The following TEX15 variants were observed in gnomAD, a reference collection of about 807,000 sequenced individuals.
The protein encoded by TEX15 is testis-expressed protein 15.
A neutral mutation model predicts 237.3 loss-of-function variants in TEX15; 171 were observed. That is an observed-to-expected ratio of 0.72 (90% CI 0.64 to 0.82). The LOEUF is 0.82. Ranked by LOEUF, TEX15 falls within the 40% of genes least tolerant of loss-of-function variation. The pLI is 0.00. For missense variants in TEX15, 3,750 were observed against 3,646.5 expected (o/e 1.03, Z -0.73); for synonymous variants, 1,338 against 1,269.8 (o/e 1.05, Z -1.14).
intron 5 of TEX15, among the ~76,000 whole-genome samples, chr8:30,866,319 A>G (rs2128771611): frequency 6.6e-6 from 1 of 151,194 alleles, no homozygotes; most frequent in East Asian, 1.9e-4. Context: ...GGCAGAAAGG[A>G]CAAAAAGGGA....
At chr8:30,838,923 C>T (rs1807381707) in intron 9 of TEX15, among the ~76,000 whole-genome samples, 1 of 150,308 alleles carries the variant, frequency 6.7e-6, no homozygotes, top group African/African-American at 2.4e-5. Context: ...TCAAATGATT[C>T]TCCTGCCTCA....
intron 7 of TEX15, among the ~76,000 whole-genome samples, chr8:30,858,338 G>A (rs1318615252): frequency 1.3e-5 from 2 of 149,570 alleles, no homozygotes; most frequent in African/African-American, 4.9e-5. Flanking sequence ...TTTGTGACAA[G>A]GTCTCCCTCT....
In TEX15 at chr8:30,847,635, CTG is replaced by C. The variant is rs2128768227; in HGVS notation, c.2530_2531del (p.Gln844ValfsTer4). On this transcript the variant is annotated frameshift_variant, in exon 8 of 11. Coordinates refer to ENST00000643185, the MANE Select transcript of TEX15 (RefSeq NM_001350162.2). LOFTEE classifies it high-confidence loss of function. ...GQDHNLFCNS[Q>X]LSNDIWLNVN... ...CATTCAGCCATATATCATTGCTTAA[CTG>C]TGAATTACAGAACAGATTGTGATCC... 2 of 1,613,596 alleles carry C rather than the reference CTG, an allele frequency of 1.2e-6. No homozygotes were observed. Among genetic ancestry groups the C allele is most frequent in the East Asian group, 4.5e-5 (2 of 44,840 alleles).
chr8:30,862,503 A>C (rs778278826), intron 5 of TEX15, among the ~76,000 whole-genome samples: 17 of 151,882 alleles, frequency 1.1e-4, no homozygotes, highest in Non-Finnish European at 2.4e-4. Flanking sequence ...TACACAAAAA[A>C]CTCTGTGGTT....
chr8:30,840,390 T>G (rs557574432), intron 8 of TEX15, among the ~76,000 whole-genome samples: 157 of 152,232 alleles, frequency 1.0e-3, no homozygotes, highest in African/African-American at 3.4e-3. Context: ...GAGATGGGGA[T>G]TCACTATGTT....
intron 2 of TEX15, among the ~76,000 whole-genome samples, chr8:30,896,594 G>A (rs1430433235): frequency 1.3e-5 from 2 of 151,058 alleles, no homozygotes; most frequent in African/African-American, 4.9e-5. Flanking sequence ...CCCCCATTCT[G>A]TTGATATTTG....
In TEX15 at chr8:30,844,137, T is replaced by C; in HGVS notation, c.6030A>G (p.Ala2010=). 3 of 1,613,380 alleles carry C rather than the reference T, an allele frequency of 1.9e-6. No homozygotes were observed. The highest frequency in any genetic ancestry group is 1.3e-5 in the African/African-American group (1 of 75,016). ...LSQILQRADE[A]SSLQILQEET... ...CTTCCTGTAGAATCTGCAAAGATGA[T>C]GCTTCATCTGCCCTCTGCAAAATTT... is the stretch of plus-strand genomic sequence containing the variant. Residue 2010 remains alanine (A), a synonymous_variant, in exon 8 of 11, where the codon GCA becomes GCG. Transcript: ENST00000643185.
intron 10 of TEX15, among the ~76,000 whole-genome samples, chr8:30,836,221 T>G (rs933022454): frequency 7.5e-6 from 1 of 134,084 alleles, no homozygotes; most frequent in South Asian, 2.5e-4. Context: ...TTTTTTTTTT[T>G]TTTTTTTTTT....
chr8:30,860,522 C>T (rs1336697062), intron 5 of TEX15, among the ~76,000 whole-genome samples: 1 of 150,854 alleles, frequency 6.6e-6, no homozygotes, highest in East Asian at 2.0e-4. Context: ...AAATTAAACT[C>T]TAAGATTAGA....
At position 30,832,418 on chromosome 8, in the gene TEX15, GAGAC is replaced by G. The variant is rs896502134; in HGVS notation, c.*864_*867del. 6.6e-6 allele frequency: 1 copy of G among 152,218 alleles called. No individual in the cohort carries two copies. The highest frequency in any genetic ancestry group is 2.4e-5 in the African/African-American group (1 of 41,458). 9.4% of individuals were successfully genotyped at this position (152,218 alleles called of 1,614,324 possible). A position where few individuals can be genotyped will look rare whatever the true frequency, so the allele number is the denominator to read the frequency against. On this transcript the variant is annotated 3_prime_UTR_variant, in exon 11 of 11. Coordinates refer to ENST00000643185, the MANE Select transcript of TEX15 (RefSeq NM_001350162.2). ...GAGCAAGAAAGGTAATACATGAAAAGAGACAGCTCAAGACTGCAGTTACATACTA... is the reference window on the plus strand; with the variant it reads ...GAGCAAGAAAGGTAATACATGAAAAGAGCTCAAGACTGCAGTTACATACTA...
chr8:30,903,374 C>T (rs1199678920), intron 1 of TEX15, among the ~76,000 whole-genome samples: 1 of 152,180 alleles, frequency 6.6e-6, no homozygotes, highest in Non-Finnish European at 1.5e-5. Context: ...TTAAGGGGCC[C>T]CCAGGGGTTA....
intron 5 of TEX15, among the ~76,000 whole-genome samples, chr8:30,865,136 C>T (rs1808133096): frequency 1.3e-5 from 2 of 151,890 alleles, no homozygotes; most frequent in African/African-American, 2.4e-5. Flanking sequence ...TAAAAGGAAA[C>T]ATTATAACTG....
intron 2 of TEX15, chr8:30,888,735 A>G: frequency 9.7e-7 from 1 of 1,036,230 alleles, no homozygotes; most frequent in Non-Finnish European, 1.3e-6. Flanking sequence ...ATTCTACAGA[A>G]AGATCACAAA....
In TEX15 at chr8:30,875,070, C is replaced by A; in HGVS notation, c.169G>T (p.Glu57Ter). ...YLSPCYTNSR[E>*]YSFIHDTLNQ... ...AGAGTATCATGTATAAAACTATACTCTCTACTATTGGTGTAACAAGGTGAC... is the reference window on the plus strand; with the variant it reads ...AGAGTATCATGTATAAAACTATACTATCTACTATTGGTGTAACAAGGTGAC... Residue 57 changes from glutamate (E) to a stop codon, truncating the protein, a stop_gained, in exon 4 of 11, where the codon GAG (glutamate) becomes TAG (stop). Transcript: ENST00000643185. LOFTEE classifies it high-confidence loss of function. 1 of 1,265,558 alleles carries A rather than the reference C, an allele frequency of 7.9e-7. No individual in the cohort carries two copies. The highest frequency in any genetic ancestry group is 1.0e-6 in the Non-Finnish European group (1 of 1,004,048). 78.4% of individuals were successfully genotyped at this position (1,265,558 alleles called of 1,614,324 possible). A position where few individuals can be genotyped will look rare whatever the true frequency, so the allele number is the denominator to read the frequency against.
rs188998434 is a variant in TEX15, at chr8:30,840,602, A to G, written c.8164-638T>C. On this transcript the variant is annotated intron_variant, in intron 8 of 10. Transcript: ENST00000643185. ...ATCGATTCTTTAAGTCATGTCTGTC[A>G]ATATGAATTTTCCTTTCTAACACCT... is the stretch of plus-strand genomic sequence containing the variant. Among the ~76,000 whole-genome samples, 494 of 152,318 alleles carry G rather than the reference A, an allele frequency of 3.2e-3. 1 individual carries two copies. The highest frequency in any genetic ancestry group is 6.8e-3 in the Middle Eastern group (2 of 294).
chr8:30,869,901 A>C (rs1808255463), intron 4 of TEX15, among the ~76,000 whole-genome samples: 1 of 152,026 alleles, frequency 6.6e-6, no homozygotes, highest in Admixed American at 6.6e-5. Context: ...AAGCATCAGA[A>C]TCTGTGCTAA....
At position 30,846,762 on chromosome 8, in the gene TEX15, ATAGT is replaced by A; in HGVS notation, c.3401_3404del (p.Asn1134IlefsTer43). ...CATTGTTTTGTGTAGAGGAATAAAA[ATAGT>A]TACTTTCCTTAGAATAATGCTGATC... On this transcript the variant is annotated frameshift_variant, in exon 8 of 11. Coordinates refer to ENST00000643185, the MANE Select transcript of TEX15 (RefSeq NM_001350162.2). LOFTEE classifies it high-confidence loss of function. 1 of 1,613,820 alleles carries A rather than the reference ATAGT, an allele frequency of 6.2e-7. No homozygotes were observed. Among genetic ancestry groups the A allele is most frequent in the Non-Finnish European group, 8.5e-7 (1 of 1,179,766 alleles).
chr8:30,901,150 C>T (rs2128779075), intron 1 of TEX15, among the ~76,000 whole-genome samples: 1 of 152,018 alleles, frequency 6.6e-6, no homozygotes, highest in East Asian at 1.9e-4. Context: ...AACAAACAAA[C>T]AAAAAAAGAA....
Position 30,843,709 on chromosome 8 carries a change from A to G in TEX15, c.6458T>C (p.Leu2153Pro). The G allele has an allele frequency of 6.2e-7, 1 of 1,612,630 alleles. No homozygotes were observed. The highest frequency in any genetic ancestry group is 8.5e-7 in the Non-Finnish European group (1 of 1,179,428). ...QTYHDQLVEL[L>P]EETKREKNSY... ...ATTCTTTTCCCTTTTTGTTTCTTCA[A>G]GCAATTCAACTAATTGATCATGGTA... The change falls in exon 8 of 11, where the codon CTT becomes CCT. Residue 2153 changes from leucine (L) to proline (P), a missense_variant. Leu to Pro is a moderately conservative substitution (Grantham distance 98). Transcript: ENST00000643185.
Sources: gnomAD v4.1 joint callset for allele counts (sites outside exome capture counted in the v4.1 genomes callset) on GRCh38, gnomAD v4.1.1 for gene constraint, MANE v1.5 for transcripts, NCBI Gene and HGNC (gene_info 2026-07-23, HGNC 2026-07-21) for gene names.